TGFA: variants seen among roughly 807,000 people sequenced by gnomAD.
TGFA encodes protransforming growth factor alpha.
In TGFA, 12 loss-of-function variants were observed where a neutral mutation model predicts 21.7. The observed-to-expected ratio is 0.55, with a 90% CI of 0.35 to 0.90. TGFA has a LOEUF of 0.90. Among genes scored for constraint, TGFA ranks in the 40% least tolerant of loss-of-function variants. The probability of loss-of-function intolerance (pLI) is 0.01; values close to 1 mark genes in which losing one functional copy is unlikely to be tolerated. For missense variants in TGFA, 178 were observed against 210.8 expected (o/e 0.84, Z 0.96); for synonymous variants, 79 against 88.1 (o/e 0.90, Z 0.58).
chr2:70,480,624 C>T (rs1413302979), intron 2 of TGFA, among the ~76,000 whole-genome samples: 4 of 152,150 alleles, frequency 2.6e-5, no homozygotes, highest in African/African-American at 4.8e-5. Context: ...AACAGTGCCT[C>T]GCCACCCCCA....
intron 2 of TGFA, among the ~76,000 whole-genome samples, chr2:70,485,728 C>T (rs17005692): frequency 0.059 from 9,000 of 152,206 alleles, 328 homozygotes; most frequent in Middle Eastern, 0.13. Context: ...CAAACATGTA[C>T]TTACTTACTT....
At chr2:70,549,720 G>T (rs1553506521) in intron 1 of TGFA, among the ~76,000 whole-genome samples, 1 of 152,206 alleles carries the variant, frequency 6.6e-6, no homozygotes, top group Non-Finnish European at 1.5e-5. Context: ...CTTTGAAAAG[G>T]TCCTTAGGCC....
At chr2:70,481,631 G>C (rs1369595308) in intron 2 of TGFA, among the ~76,000 whole-genome samples, 1 of 152,188 alleles carries the variant, frequency 6.6e-6, no homozygotes, top group Non-Finnish European at 1.5e-5. Context: ...TACTGTCTCA[G>C]GGCTGGTCTG....
At chr2:70,521,192 A>G (rs17005791) in intron 1 of TGFA, among the ~76,000 whole-genome samples, 8,359 of 152,196 alleles carry the variant, frequency 0.055, 770 homozygotes, top group African/African-American at 0.19. Context: ...TACCACTCAC[A>G]GAACCCAGCG....
chr2:70,525,365 A>G (rs1672602199), intron 1 of TGFA, among the ~76,000 whole-genome samples: 1 of 152,112 alleles, frequency 6.6e-6, no homozygotes, highest in Non-Finnish European at 1.5e-5. Context: ...ATGCTGCCCC[A>G]TTGCTAATCC....
At chr2:70,469,978 G>T (rs1553492946) in intron 2 of TGFA, among the ~76,000 whole-genome samples, 1 of 152,016 alleles carries the variant, frequency 6.6e-6, no homozygotes, top group Non-Finnish European at 1.5e-5. Context: ...GACATGAGGT[G>T]GTGTTATAAA....
chr2:70,552,034 TAAC>T (rs1470136951), intron 1 of TGFA, among the ~76,000 whole-genome samples: 2 of 152,186 alleles, frequency 1.3e-5, no homozygotes, highest in Non-Finnish European at 2.9e-5. Context: ...AAACTCAATT[TAAC>T]AACAAGTTCC....
chr2:70,494,086 T>G (rs1671510396), intron 2 of TGFA, among the ~76,000 whole-genome samples: 1 of 152,118 alleles, frequency 6.6e-6, no homozygotes, highest in Non-Finnish European at 1.5e-5. Flanking sequence ...GAGAATCTGT[T>G]TCATCTTTTC....
In TGFA at chr2:70,477,335, C is replaced by T. The variant is rs535193682; in HGVS notation, c.95-11599G>A. Among the ~76,000 whole-genome samples the T allele has an allele frequency of 5.9e-5, 9 of 152,328 alleles. No homozygotes were observed. In the East Asian group the frequency reaches 1.7e-3, roughly 29 times the overall value. ...TTGGTCTCTATGGACAGAAACCTCA[C>T]ACACTCCTACCATAAACAACAAAAT... On this transcript the variant is annotated intron_variant, in intron 2 of 5. Coordinates refer to ENST00000295400, the MANE Select transcript of TGFA (RefSeq NM_003236.4).
At chr2:70,467,399 T>C (rs1553492490) in intron 2 of TGFA, 1 of 152,070 alleles carries the variant, frequency 6.6e-6, no homozygotes, top group Non-Finnish European at 1.5e-5. Context: ...CCTCTCAGGG[T>C]TTTCCATCCC....
chr2:70,532,397 C>T (rs1038524392), intron 1 of TGFA, among the ~76,000 whole-genome samples: 3 of 152,154 alleles, frequency 2.0e-5, no homozygotes, highest in African/African-American at 7.2e-5. Context: ...TTTTGCTCTG[C>T]CCCAGTGGAG....
intron 2 of TGFA, among the ~76,000 whole-genome samples, chr2:70,496,701 T>C (rs534980334): frequency 2.0e-5 from 3 of 152,270 alleles, no homozygotes; most frequent in Non-Finnish European, 2.9e-5. Flanking sequence ...TGCATAGTGT[T>C]CCTTCCTTCT....
chr2:70,473,681 A>AT (rs1553493687), intron 2 of TGFA, among the ~76,000 whole-genome samples: 4 of 101,716 alleles, frequency 3.9e-5, no homozygotes, highest in African/African-American at 5.7e-5. Flanking sequence ...GCTGTCTTAG[A>AT]GGGGGGTGTG....
intron 2 of TGFA, among the ~76,000 whole-genome samples, chr2:70,500,530 GTTAGTACTACTTT>G (rs1435855039): frequency 2.0e-5 from 3 of 152,140 alleles, no homozygotes; most frequent in African/African-American, 4.8e-5. Flanking sequence ...GGCTAAATGA[GTTAGTACTACTTT>G]TTTTCCAAGA....
chr2:70,477,386 C>T (rs1301707321), intron 2 of TGFA, among the ~76,000 whole-genome samples: 2 of 152,202 alleles, frequency 1.3e-5, no homozygotes, highest in African/African-American at 4.8e-5. Flanking sequence ...CCTATTTGAT[C>T]CATTTCCAAC....
In TGFA at chr2:70,553,758, A is replaced by C. The variant is rs781918389; in HGVS notation, c.10T>G (p.Ser4Ala). 1.2e-5 allele frequency: 16 copies of C among 1,292,678 alleles called. No homozygotes were observed. The highest frequency in any genetic ancestry group is 3.0e-6 in the Non-Finnish European group (3 of 1,013,328). The allele number at this position is 1,292,678 out of a possible 1,614,324, so 80.1% of individuals were successfully genotyped here. A position where few individuals can be genotyped will look rare whatever the true frequency, so the allele number is the denominator to read the frequency against. MVP[S>A]AGQLALFALG... The stretch of plus-strand genomic sequence containing the variant: ...GCGAACAGGGCGAGCTGTCCAGCCG[A>C]GGGGACCATTTTACGGGCGGGCGGG... The change falls in exon 1 of 6, where the codon TCG (serine) becomes GCG (alanine). Residue 4 changes from serine (S) to alanine (A), a missense_variant. Transcript: ENST00000295400.
At chr2:70,545,284 A>G (rs1286033198) in intron 1 of TGFA, among the ~76,000 whole-genome samples, 1 of 152,158 alleles carries the variant, frequency 6.6e-6, no homozygotes, top group Non-Finnish European at 1.5e-5. Flanking sequence ...AAGAAGAAGA[A>G]GAGGAAGAAG....
At chr2:70,547,783 T>C (rs950766114) in intron 1 of TGFA, among the ~76,000 whole-genome samples, 31 of 147,798 alleles carry the variant, frequency 2.1e-4, no homozygotes, top group African/African-American at 7.1e-4. Flanking sequence ...ATATGTAATA[T>C]AGTATACTAT....
At chr2:70,483,837 T>C (rs1671198013) in intron 2 of TGFA, among the ~76,000 whole-genome samples, 1 of 152,204 alleles carries the variant, frequency 6.6e-6, no homozygotes. Context: ...ATTCTATTCT[T>C]TGTCACCTCT....
Sources: gnomAD v4.1 joint callset for allele counts (sites outside exome capture counted in the v4.1 genomes callset) on GRCh38, gnomAD v4.1.1 for gene constraint, MANE v1.5 for transcripts, NCBI Gene and HGNC (gene_info 2026-07-23, HGNC 2026-07-21) for gene names.